Variants in LRRC53 observed in about 807,000 individuals in gnomAD.
LRRC53 encodes leucine rich repeat containing 53, also known as leucine-rich repeat-containing protein 53.
A neutral mutation model predicts 13.6 loss-of-function variants in LRRC53; 25 were observed. That is an observed-to-expected ratio of 1.83 (90% CI 1.34 to 2.56). LRRC53 has a LOEUF of 2.56. LRRC53 is among the 30% of genes most tolerant of loss of function. The probability of loss-of-function intolerance (pLI) is 0.00; values close to 1 mark genes in which losing one functional copy is unlikely to be tolerated. For missense variants in LRRC53, 527 were observed against 275.8 expected (o/e 1.91, Z -6.45); for synonymous variants, 204 against 109.8 (o/e 1.86, Z -5.37).
At chr1:74,472,908 T>A (rs1668006878) in intron 4 of LRRC53, among the ~76,000 whole-genome samples, 1 of 152,094 alleles carries the variant, frequency 6.6e-6, no homozygotes. Context: ...TGCAAATTCC[T>A]CTTCATGTTA....
chr1:74,536,293 G>A, the LRRC53 span, among the ~76,000 whole-genome samples: 1 of 152,130 alleles, frequency 6.6e-6, no homozygotes, highest in South Asian at 2.1e-4. Context: ...AAACAGGCTA[G>A]TTTGTTCTGA....
intron 1 of LRRC53, among the ~76,000 whole-genome samples, chr1:74,493,084 C>T (rs938271333): frequency 6.6e-6 from 1 of 152,100 alleles, no homozygotes; most frequent in Non-Finnish European, 1.5e-5. Flanking sequence ...GCCTTCTCTC[C>T]AATTTAGTCA....
chr1:74,508,484 C>A (rs532564945), intron 1 of LRRC53, among the ~76,000 whole-genome samples: 1 of 152,274 alleles, frequency 6.6e-6, no homozygotes, highest in Non-Finnish European at 1.5e-5. Context: ...AGGACTTAAA[C>A]CTGGCCAGAG....
the LRRC53 span, among the ~76,000 whole-genome samples, chr1:74,517,818 T>C: frequency 1.3e-5 from 2 of 152,186 alleles, no homozygotes; most frequent in Admixed American, 1.3e-4. Flanking sequence ...GAAGATTTTT[T>C]AAGGCAAAAA....
chr1:74,527,487 A>G, the LRRC53 span, among the ~76,000 whole-genome samples: 1 of 152,234 alleles, frequency 6.6e-6, no homozygotes, highest in Non-Finnish European at 1.5e-5. Flanking sequence ...TGCATTCAGC[A>G]GAGCTAAAAA....
At chr1:74,513,644 G>A (rs184481713), upstream of LRRC53, among the ~76,000 whole-genome samples, 20 of 152,286 alleles carry the variant, frequency 1.3e-4, no homozygotes, top group East Asian at 7.7e-4. Context: ...TGTCACTTGC[G>A]TAACTGATGG....
chr1:74,489,477 G>A (rs1299212291), intron 1 of LRRC53, among the ~76,000 whole-genome samples: 1 of 152,122 alleles, frequency 6.6e-6, no homozygotes, highest in Non-Finnish European at 1.5e-5. Flanking sequence ...TAATAGGGCA[G>A]GCAAATGGAC....
chr1:74,504,694 G>C (rs1362163148), intron 1 of LRRC53, among the ~76,000 whole-genome samples: 3 of 152,048 alleles, frequency 2.0e-5, no homozygotes, highest in Non-Finnish European at 4.4e-5. Flanking sequence ...TGCATGAAAA[G>C]AGTGAGCGAG....
intron 1 of LRRC53, among the ~76,000 whole-genome samples, chr1:74,504,658 G>A (rs1669799683): frequency 6.6e-6 from 1 of 152,104 alleles, no homozygotes; most frequent in African/African-American, 2.4e-5. Context: ...TTAAGTACCT[G>A]GATTTATTGT....
rs1356965287 is a variant in LRRC53 at position 74,480,111 on chromosome 1, A to G, written c.904+42T>C. On this transcript the variant is annotated intron_variant, in intron 3 of 4. Coordinates refer to ENST00000294635, the MANE Select transcript of LRRC53 (RefSeq NM_001382280.1). ...CTTAGCATGCTGCAAAAATATGGACAAGAGAAGAGAAAAGAGGAGGGCACA... is the reference window on the plus strand; with the variant it reads ...CTTAGCATGCTGCAAAAATATGGACGAGAGAAGAGAAAAGAGGAGGGCACA... 4 of 678,882 alleles carry G rather than the reference A, an allele frequency of 5.9e-6. No individual in the cohort carries two copies. The Admixed American group carries it at 6.7e-5, about 11-fold the overall frequency. The allele number at this position is 678,882 out of a possible 1,614,324, so 42.1% of individuals were successfully genotyped here.
intron 1 of LRRC53, among the ~76,000 whole-genome samples, chr1:74,485,205 C>T (rs1668692333): frequency 6.6e-6 from 1 of 152,142 alleles, no homozygotes; most frequent in Admixed American, 6.5e-5. Flanking sequence ...AACTTGGATG[C>T]TTTAAGAAGG....
upstream of LRRC53, among the ~76,000 whole-genome samples, chr1:74,517,518 G>C (rs1207381936): frequency 6.6e-6 from 1 of 152,170 alleles, no homozygotes; most frequent in Non-Finnish European, 1.5e-5. Flanking sequence ...TTTAGAATCA[G>C]AGCAGGAGTA....
At chr1:74,533,172 A>C in the LRRC53 span, among the ~76,000 whole-genome samples, 1 of 152,236 alleles carries the variant, frequency 6.6e-6, no homozygotes, top group Non-Finnish European at 1.5e-5. Context: ...CTCATCTGAC[A>C]AAGGGCTAAT....
Position 74,475,830 on chromosome 1 carries a change from C to G in LRRC53, c.905-20G>C. 3.7e-6 allele frequency: 2 copies of G among 547,640 alleles called. No individual in the cohort carries two copies. Among genetic ancestry groups the G allele is most frequent in the Non-Finnish European group, 6.6e-6 (2 of 301,028 alleles). The allele number at this position is 547,640 out of a possible 1,614,324, so 33.9% of individuals were successfully genotyped here. A position where few individuals can be genotyped will look rare whatever the true frequency, so the allele number is the denominator to read the frequency against. ...CAGCTCCTATGACAAATAGAGAGAC[C>G]ATTAAAAGATAACATCTTGGGAAGA... is the stretch of plus-strand genomic sequence containing the variant. On this transcript the variant is annotated intron_variant, in intron 3 of 4. Transcript: ENST00000294635.
At position 74,471,344 on chromosome 1, in the gene LRRC53, C is replaced by A. The variant is rs954207157; in HGVS notation, c.2278G>T (p.Ala760Ser). ...KKLSKTSETE[A>S]KINTVCSADF... is the part of the protein sequence containing the mutation. ...GCAGAACACACAGTATTTATTTTGG[C>A]TTCTGTCTCAGAAGTTTTGGATAAT... Residue 760 changes from alanine (A) to serine (S), a missense_variant, in exon 5 of 5, where the codon GCC becomes TCC. Coordinates refer to ENST00000294635, the MANE Select transcript of LRRC53 (RefSeq NM_001382280.1). The A allele has an allele frequency of 5.0e-6, 2 of 400,572 alleles. No individual in the cohort carries two copies. Among genetic ancestry groups the A allele is most frequent in the African/African-American group, 4.1e-5 (2 of 48,678 alleles). 24.8% of individuals were successfully genotyped at this position (400,572 alleles called of 1,614,324 possible). A position where few individuals can be genotyped will look rare whatever the true frequency, so the allele number is the denominator to read the frequency against.
chr1:74,532,041 T>C, the LRRC53 span, among the ~76,000 whole-genome samples: 1 of 152,302 alleles, frequency 6.6e-6, no homozygotes, highest in Admixed American at 6.5e-5. Flanking sequence ...CCTGAAGTCT[T>C]TAATCACACT....
At chr1:74,515,812 C>G (rs1370706651), upstream of LRRC53, among the ~76,000 whole-genome samples, 1 of 152,130 alleles carries the variant, frequency 6.6e-6, no homozygotes, top group Non-Finnish European at 1.5e-5. Context: ...TCTTCAGAAG[C>G]CTAGTCTTCC....
chr1:74,472,309 A>G, intron 4 of LRRC53, 108 bp from the exon 5 acceptor site: 1 of 611,862 alleles, frequency 1.6e-6, no homozygotes. Flanking sequence ...TCCTCTGATA[A>G]TTGCAGTTCT....
At chr1:74,500,983 T>C (rs1002666758) in intron 1 of LRRC53, among the ~76,000 whole-genome samples, 11 of 152,186 alleles carry the variant, frequency 7.2e-5, no homozygotes, top group African/African-American at 2.4e-4. Flanking sequence ...ATATATTATG[T>C]TTCCAGAATT....
Sources: allele counts gnomAD v4.1 joint callset (sites outside exome capture counted in the v4.1 genomes callset), GRCh38; gene constraint gnomAD v4.1.1; transcripts MANE v1.5; gene names NCBI Gene and HGNC (gene_info 2026-07-23, HGNC 2026-07-21).